Variants in NRP1 observed in about 807,000 individuals in gnomAD.
NRP1 encodes the protein neuropilin 1, also known as neuropilin-1.
NRP1 carries 35 observed loss-of-function variants against 106.7 expected under a neutral mutation model. That is an observed-to-expected ratio of 0.33 (90% CI 0.25 to 0.43). The LOEUF (loss-of-function observed/expected upper bound fraction) is 0.43, where lower values mean the gene tolerates loss of function less well. Ranked by LOEUF, NRP1 falls within the 20% of genes least tolerant of loss-of-function variation. NRP1 has a pLI of 1.00. For missense variants in NRP1, 1,024 were observed against 1,170.4 expected (o/e 0.87, Z 1.83); for synonymous variants, 437 against 417.9 (o/e 1.05, Z -0.56).
At chr10:33,206,286 C>T (rs1433646782) in intron 10 of NRP1, 1 of 518,906 alleles carries the variant, frequency 1.9e-6, no homozygotes, top group African/African-American at 1.9e-5. Context: ...CTGCCCATCT[C>T]TTCTTTTTCT....
intron 6 of NRP1, chr10:33,249,691 C>T: frequency 2.8e-6 from 1 of 351,664 alleles, no homozygotes. Context: ...TTAACTCTGC[C>T]ACTGACAATG....
At chr10:33,247,506 G>C (rs1008749933) in intron 6 of NRP1, among the ~76,000 whole-genome samples, 2 of 152,196 alleles carry the variant, frequency 1.3e-5, no homozygotes, top group Non-Finnish European at 2.9e-5. Context: ...AACCTTGGAG[G>C]ACTGAAGGAA....
Position 33,256,297 on chromosome 10 carries a change from A to T in NRP1, c.814+19T>A. 1 of 1,612,826 alleles carries T rather than the reference A, an allele frequency of 6.2e-7. No individual in the cohort carries two copies. Among genetic ancestry groups the T allele is most frequent in the Non-Finnish European group, 8.5e-7 (1 of 1,178,876 alleles). ...TTGAGTATTTACCACAGGGCTTTGC[A>T]AAATGAATAAACACTGACCTTCTGA... On this transcript the variant is annotated intron_variant, in intron 5 of 16. Coordinates refer to ENST00000374867, the MANE Select transcript of NRP1 (RefSeq NM_003873.7).
chr10:33,263,614 TC>T, intron 4 of NRP1, 31 bp downstream of exon 4: 1 of 1,540,652 alleles, frequency 6.5e-7, no homozygotes, highest in African/African-American at 1.4e-5. Flanking sequence ...TCCAGAACCT[TC>T]CCTTTTTGGG....
intron 3 of NRP1, among the ~76,000 whole-genome samples, chr10:33,265,108 C>T (rs556045047): frequency 1.6e-4 from 24 of 151,762 alleles, no homozygotes; most frequent in African/African-American, 3.1e-4. Flanking sequence ...AGCCAGACTC[C>T]GCCTCAAAAA....
chr10:33,226,795 A>T (rs1364177464), intron 6 of NRP1, among the ~76,000 whole-genome samples: 1 of 152,232 alleles, frequency 6.6e-6, no homozygotes, highest in Non-Finnish European at 1.5e-5. Context: ...GCCAATCAGA[A>T]AATCTTTGAA....
chr10:33,225,142 C>T (rs181131064), intron 7 of NRP1, among the ~76,000 whole-genome samples: 1 of 152,256 alleles, frequency 6.6e-6, no homozygotes, highest in Admixed American at 6.5e-5. Context: ...GCATTTTCCT[C>T]CTACAGAACA....
chr10:33,214,347 C>T (rs767749461), intron 8 of NRP1, among the ~76,000 whole-genome samples: 17 of 152,162 alleles, frequency 1.1e-4, no homozygotes, highest in Non-Finnish European at 2.4e-4. Context: ...CAGACTAAGA[C>T]AGTCCTTTCC....
chr10:33,331,418 A>AT (rs1848278230), intron 1 of NRP1, among the ~76,000 whole-genome samples: 1 of 152,190 alleles, frequency 6.6e-6, no homozygotes, highest in Non-Finnish European at 1.5e-5. Context: ...AATCTAAGTG[A>AT]TTTTGAGTTA....
At chr10:33,215,173 A>T (rs372937820) in intron 8 of NRP1, among the ~76,000 whole-genome samples, 1 of 152,184 alleles carries the variant, frequency 6.6e-6, no homozygotes, top group East Asian at 1.9e-4. Flanking sequence ...CTGACAATAC[A>T]TCTCAGTTAA....
intron 11 of NRP1, among the ~76,000 whole-genome samples, chr10:33,198,532 C>T (rs1836975999): frequency 1.3e-5 from 2 of 152,188 alleles, no homozygotes; most frequent in Admixed American, 1.3e-4. Context: ...TCCACGGGCA[C>T]TCACTGATTC....
chr10:33,264,434 G>A (rs1320035328), intron 3 of NRP1, among the ~76,000 whole-genome samples: 1 of 152,190 alleles, frequency 6.6e-6, no homozygotes, highest in African/African-American at 2.4e-5. Flanking sequence ...TCTGAGTGGT[G>A]TTGACACAGG....
chr10:33,191,043 T>C (rs1836375700), intron 13 of NRP1, among the ~76,000 whole-genome samples: 1 of 151,980 alleles, frequency 6.6e-6, no homozygotes, highest in African/African-American at 2.4e-5. Context: ...TATTTTGTAG[T>C]GTCAGTATCT....
chr10:33,324,416 C>G (rs1174064004), intron 2 of NRP1, among the ~76,000 whole-genome samples: 1 of 152,062 alleles, frequency 6.6e-6, no homozygotes, highest in Non-Finnish European at 1.5e-5. Context: ...AAAAATACGG[C>G]AAAGGAGAAT....
At chr10:33,288,885 G>GT (rs1844779698) in intron 2 of NRP1, among the ~76,000 whole-genome samples, 1 of 148,266 alleles carries the variant, frequency 6.7e-6, no homozygotes, top group African/African-American at 2.7e-5. Flanking sequence ...ACTGTTTTTA[G>GT]GGGGGTCTTG....
chr10:33,293,786 A>G (rs1285141053), intron 2 of NRP1, among the ~76,000 whole-genome samples: 1 of 152,208 alleles, frequency 6.6e-6, no homozygotes, highest in Non-Finnish European at 1.5e-5. Flanking sequence ...ATTCTTTAAA[A>G]CTTAGCTGAT....
intron 12 of NRP1, among the ~76,000 whole-genome samples, chr10:33,197,149 G>A (rs774576995): frequency 3.9e-5 from 6 of 152,070 alleles, no homozygotes; most frequent in Non-Finnish European, 7.4e-5. Flanking sequence ...TGTTCCCAAG[G>A]GTGTGCTTCT....
At chr10:33,329,153 A>C (rs1354451615) in intron 2 of NRP1, among the ~76,000 whole-genome samples, 6 of 152,240 alleles carry the variant, frequency 3.9e-5, no homozygotes, top group Non-Finnish European at 8.8e-5. Flanking sequence ...AAATAAATCA[A>C]TACAATGAAC....
chr10:33,262,646 T>A (rs2133235391), intron 4 of NRP1, among the ~76,000 whole-genome samples: 1 of 145,002 alleles, frequency 6.9e-6, no homozygotes, highest in East Asian at 2.0e-4. Context: ...GAGGTTGCAG[T>A]GAGCCGAGAT....
Sources: gnomAD v4.1 joint callset for allele counts (sites outside exome capture counted in the v4.1 genomes callset) on GRCh38, gnomAD v4.1.1 for gene constraint, MANE v1.5 for transcripts, NCBI Gene and HGNC (gene_info 2026-07-23, HGNC 2026-07-21) for gene names.